HAT1: variants seen among roughly 807,000 people sequenced by gnomAD.
HAT1 encodes the protein histone acetyltransferase type B catalytic subunit.
In HAT1, 20 loss-of-function variants were observed where a neutral mutation model predicts 56.6. The ratio of observed to expected loss-of-function variants is 0.35; its 90% CI spans 0.25 to 0.51. The LOEUF is 0.51. Among genes scored for constraint, HAT1 ranks in the 20% least tolerant of loss-of-function variants. The pLI is 0.95. For missense variants in HAT1, 408 were observed against 504.3 expected (o/e 0.81, Z 1.83); for synonymous variants, 146 against 165.5 (o/e 0.88, Z 0.91).
chr2:171,936,483 G>C (rs964368234), intron 2 of HAT1, among the ~76,000 whole-genome samples: 2 of 152,116 alleles, frequency 1.3e-5, no homozygotes, highest in South Asian at 4.1e-4. Flanking sequence ...TTTCACAGTG[G>C]TCACAATGAG....
intron 3 of HAT1, among the ~76,000 whole-genome samples, chr2:171,949,390 T>A (rs987014970): frequency 2.6e-5 from 4 of 152,068 alleles, no homozygotes; most frequent in Non-Finnish European, 4.4e-5. Flanking sequence ...TTTTTAAAAA[T>A]TTTTTGGCCG....
At chr2:171,939,184 G>A (rs972619563) in intron 2 of HAT1, among the ~76,000 whole-genome samples, 5 of 152,146 alleles carry the variant, frequency 3.3e-5, no homozygotes, top group Non-Finnish European at 7.3e-5. Context: ...TTGTGGTTGG[G>A]AATTAATGCT....
chr2:171,923,477 ATTGCCTCAGGCCGGTCTGGAACTCT>A (rs1219457275), intron 1 of HAT1: 1 of 152,172 alleles, frequency 6.6e-6, no homozygotes. Context: ...GTCTGGCTGT[ATTGCCTCAGGCCGGTCTGGAACTCT>A]TGGCCTCAAG....
At chr2:171,941,490 A>C (rs1377454529) in intron 2 of HAT1, among the ~76,000 whole-genome samples, 1 of 152,184 alleles carries the variant, frequency 6.6e-6, no homozygotes, top group Non-Finnish European at 1.5e-5. Flanking sequence ...TTTGCAGTCA[A>C]ACCTCTCTGC....
intron 2 of HAT1, among the ~76,000 whole-genome samples, chr2:171,933,051 G>T (rs187875611): frequency 2.9e-4 from 44 of 151,604 alleles, no homozygotes; most frequent in African/African-American, 1.0e-3. Context: ...TCTTACTTTG[G>T]GTTAATTTTT....
At chr2:171,977,249 G>A (rs1253251562) in intron 9 of HAT1, among the ~76,000 whole-genome samples, 2 of 151,490 alleles carry the variant, frequency 1.3e-5, no homozygotes, top group African/African-American at 4.8e-5. Flanking sequence ...GGATCACGAG[G>A]TCAGGAGTTC....
intron 8 of HAT1, among the ~76,000 whole-genome samples, chr2:171,974,201 GAAAAAGAAA>G (rs1340629777): frequency 0.022 from 1,782 of 82,684 alleles, 28 homozygotes; most frequent in Admixed American, 0.072. Context: ...AAGAAAAAAA[GAAAAAGAAA>G]AAAAAAAAAA....
intron 2 of HAT1, among the ~76,000 whole-genome samples, chr2:171,941,374 G>C (rs1249389037): frequency 6.6e-6 from 1 of 152,114 alleles, no homozygotes; most frequent in Non-Finnish European, 1.5e-5. Flanking sequence ...CACCACAGCT[G>C]GCTAAGTTTT....
At chr2:171,947,083 A>T (rs2105319829) in intron 3 of HAT1, among the ~76,000 whole-genome samples, 1 of 152,296 alleles carries the variant, frequency 6.6e-6, no homozygotes, top group Non-Finnish European at 1.5e-5. Context: ...TGGCTGGAGT[A>T]TAGATTTTAG....
rs369953999 is a variant in HAT1, at chr2:171,922,555, G to A, written c.7+48G>A. On this transcript the variant is annotated intron_variant, in intron 1 of 10. Transcript: ENST00000264108. ...CCAAGGGGAGGAGGCGGCCAGATCG[G>A]GGATAGAACGCCGAGACGGTGGTGA... 1.2e-4 allele frequency: 154 copies of A among 1,303,740 alleles called. No homozygotes were observed. In the African/African-American group the frequency reaches 2.2e-3, roughly 19 times the overall value. 80.8% of individuals were successfully genotyped at this position (1,303,740 alleles called of 1,614,324 possible).
At chr2:171,929,922 A>G (rs1426246292) in intron 2 of HAT1, among the ~76,000 whole-genome samples, 1 of 152,068 alleles carries the variant, frequency 6.6e-6, no homozygotes, top group Non-Finnish European at 1.5e-5. Flanking sequence ...TTCTGTATAC[A>G]TTTTGGAATC....
chr2:171,955,699 C>T (rs141345463), intron 4 of HAT1, among the ~76,000 whole-genome samples: 145 of 152,136 alleles, frequency 9.5e-4, no homozygotes, highest in African/African-American at 3.4e-3. Flanking sequence ...GGAGAGAACA[C>T]CTGTATCATC....
At chr2:171,969,977 T>G (rs1364866258) in intron 8 of HAT1, among the ~76,000 whole-genome samples, 2 of 151,966 alleles carry the variant, frequency 1.3e-5, no homozygotes, top group Non-Finnish European at 2.9e-5. Context: ...CATAGGGAGA[T>G]TCCCGTCTCT....
chr2:171,925,210 T>C (rs186850996), intron 1 of HAT1, among the ~76,000 whole-genome samples: 1 of 152,000 alleles, frequency 6.6e-6, no homozygotes, highest in Admixed American at 6.6e-5. Context: ...GTAGCTGGGA[T>C]TACAGGCGCC....
At chr2:171,979,559 G>A (rs142178504) in intron 10 of HAT1, 196 bp downstream of exon 10, 8,222 of 447,430 alleles carry the variant, frequency 0.018, 151 homozygotes, top group Admixed American at 0.071. Flanking sequence ...TGTAATCCCA[G>A]CACTCAGGGA....
intron 2 of HAT1, among the ~76,000 whole-genome samples, chr2:171,938,024 TTCTCTCTCTCTCTC>T (rs374402453): frequency 0.16 from 16,840 of 104,802 alleles, 1,362 homozygotes; most frequent in Middle Eastern, 0.28. Context: ...TGTCTACTGA[TTCTCTCTCTCTCTC>T]TCTCTCTCTC....
chr2:171,948,227 C>G (rs1687219438), intron 3 of HAT1, among the ~76,000 whole-genome samples: 1 of 151,976 alleles, frequency 6.6e-6, no homozygotes, highest in Admixed American at 6.6e-5. Flanking sequence ...TGTAAAAATT[C>G]AGGAAATTTA....
chr2:171,938,479 G>A (rs945173813), intron 2 of HAT1, among the ~76,000 whole-genome samples: 5 of 152,074 alleles, frequency 3.3e-5, no homozygotes, highest in African/African-American at 1.2e-4. Flanking sequence ...ACCTCACTGT[G>A]GAATCAGTGG....
At chr2:171,946,000 C>T (rs535703055) in intron 2 of HAT1, among the ~76,000 whole-genome samples, 152 of 152,072 alleles carry the variant, frequency 1.0e-3, no homozygotes, top group Non-Finnish European at 1.8e-3. Context: ...GAGATGGTTT[C>T]ACCATGTCAG....
Sources: allele counts gnomAD v4.1 joint callset (sites outside exome capture counted in the v4.1 genomes callset), GRCh38; gene constraint gnomAD v4.1.1; transcripts MANE v1.5; gene names NCBI Gene and HGNC (gene_info 2026-07-23, HGNC 2026-07-21).